SLC16A2: variants seen among roughly 807,000 people sequenced by gnomAD.
SLC16A2 encodes the protein monocarboxylate transporter 8.
SLC16A2 carries 3 observed loss-of-function variants against 27.2 expected under a neutral mutation model. The observed-to-expected ratio is 0.11, with a 90% confidence interval of 0.05 to 0.28. SLC16A2 has a LOEUF of 0.28. SLC16A2 is among the 10% of genes least tolerant of loss of function. The pLI is 1.00. For synonymous variants in SLC16A2, 202 were observed against 187.8 expected, an observed-to-expected ratio of 1.08 and a Z score of -0.62; for missense variants, 295 against 458.5, an observed-to-expected ratio of 0.64 and a Z score of 3.26.
At chrX:74,494,615 T>C (rs749798543) in intron 1 of SLC16A2, among the ~76,000 whole-genome samples, 4 of 111,383 alleles carry the variant, frequency 3.6e-5, no homozygotes, top group Non-Finnish European at 7.5e-5. Flanking sequence ...AATCTATGAG[T>C]TCCTCCTTAT....
chrX:74,445,109 G>C (rs1231250594), intron 1 of SLC16A2, among the ~76,000 whole-genome samples: 1 of 112,042 alleles, frequency 8.9e-6, no homozygotes, highest in East Asian at 2.8e-4. Flanking sequence ...TGCAGATAAG[G>C]AAATTGAGAC....
At chrX:74,480,911 A>C (rs763829639) in intron 1 of SLC16A2, among the ~76,000 whole-genome samples, 1 of 111,910 alleles carries the variant, frequency 8.9e-6, no homozygotes, top group South Asian at 3.7e-4. Flanking sequence ...TTTTATTCCT[A>C]GTTTGTTGAA....
intron 1 of SLC16A2, among the ~76,000 whole-genome samples, chrX:74,469,567 A>G (rs1178207121): frequency 9.0e-6 from 1 of 111,388 alleles, no homozygotes; most frequent in Non-Finnish European, 1.9e-5. Flanking sequence ...CAGTTCCTTG[A>G]CGACTAAAGA....
intron 1 of SLC16A2, among the ~76,000 whole-genome samples, chrX:74,430,325 G>C (rs1037590417): frequency 8.9e-6 from 1 of 111,923 alleles, no homozygotes; most frequent in Non-Finnish European, 1.9e-5. Context: ...CCTGCTTTTA[G>C]ACCTCACCTA....
At chrX:74,462,228 G>A (rs1238469689) in intron 1 of SLC16A2, among the ~76,000 whole-genome samples, 1 of 112,393 alleles carries the variant, frequency 8.9e-6, no homozygotes, top group Non-Finnish European at 1.9e-5. Flanking sequence ...TGGGGCTTGA[G>A]GTTCTCTTCA....
At chrX:74,449,335 A>G (rs1303467251) in intron 1 of SLC16A2, among the ~76,000 whole-genome samples, 1 of 112,081 alleles carries the variant, frequency 8.9e-6, no homozygotes, top group East Asian at 2.8e-4. Context: ...TTAAGAGCCA[A>G]GCTGGAGGGT....
chrX:74,461,322 C>G (rs1929136765), intron 1 of SLC16A2, among the ~76,000 whole-genome samples: 1 of 111,307 alleles, frequency 9.0e-6, no homozygotes, highest in Admixed American at 9.6e-5. Flanking sequence ...TTTCTGTTTC[C>G]TCAGTTCCAT....
chrX:74,438,921 C>T (rs1006874955), intron 1 of SLC16A2, among the ~76,000 whole-genome samples: 1 of 111,932 alleles, frequency 8.9e-6, no homozygotes, highest in Non-Finnish European at 1.9e-5. Context: ...AGCACTACGA[C>T]TCTAGCCTGC....
chrX:74,496,482 C>T (rs1164382855), intron 1 of SLC16A2, among the ~76,000 whole-genome samples: 3 of 112,002 alleles, frequency 2.7e-5, no homozygotes, highest in African/African-American at 9.7e-5. Flanking sequence ...CTCTCAGGAA[C>T]TTGCAGCCTA....
At chrX:74,526,222 T>A (rs933495095) in intron 4 of SLC16A2, among the ~76,000 whole-genome samples, 2 of 112,205 alleles carry the variant, frequency 1.8e-5, no homozygotes, top group Non-Finnish European at 3.8e-5. Flanking sequence ...TACAGGCCAC[T>A]GTTCAGGCTG....
chrX:74,448,108 C>G (rs188979411), intron 1 of SLC16A2, among the ~76,000 whole-genome samples: 1 of 111,476 alleles, frequency 9.0e-6, no homozygotes, highest in Non-Finnish European at 1.9e-5. Flanking sequence ...TCCATCCCAA[C>G]GGTTCCCAAC....
At chrX:74,487,212 A>G (rs769934753) in intron 1 of SLC16A2, among the ~76,000 whole-genome samples, 1 of 111,065 alleles carries the variant, frequency 9.0e-6, no homozygotes, top group Admixed American at 9.6e-5. Flanking sequence ...AAGGCTTCTC[A>G]AACAGTTCTA....
At chrX:74,428,936 G>A (rs1488748951) in intron 1 of SLC16A2, among the ~76,000 whole-genome samples, 4 of 111,466 alleles carry the variant, frequency 3.6e-5, no homozygotes, top group Non-Finnish European at 7.5e-5. Flanking sequence ...ATTTCATACT[G>A]GTTTTTGGTA....
intron 3 of SLC16A2, 141 bp from the exon 4 acceptor site, chrX:74,525,609 T>C (rs1299261705): frequency 3.0e-6 from 2 of 656,850 alleles, no homozygotes; most frequent in Non-Finnish European, 4.8e-6. Flanking sequence ...GAGCTTGTCA[T>C]GGAGGTAGGG....
At chrX:74,484,731 A>T (rs1929684560) in intron 1 of SLC16A2, among the ~76,000 whole-genome samples, 1 of 111,876 alleles carries the variant, frequency 8.9e-6, no homozygotes, top group Non-Finnish European at 1.9e-5. Context: ...CACAGGAAAC[A>T]TTAAAAGCCA....
chrX:74,447,036 GC>G (rs949457258), intron 1 of SLC16A2, among the ~76,000 whole-genome samples: 2 of 111,931 alleles, frequency 1.8e-5, no homozygotes, highest in African/African-American at 6.5e-5. Context: ...TCAGATTTTG[GC>G]CTAAGGCCTG....
At chrX:74,516,793 C>T (rs754085819) in intron 1 of SLC16A2, among the ~76,000 whole-genome samples, 15 of 111,255 alleles carry the variant, frequency 1.3e-4, no homozygotes, top group African/African-American at 3.9e-4. Context: ...CAAATGTAAA[C>T]GATCTAAATA....
intron 1 of SLC16A2, among the ~76,000 whole-genome samples, chrX:74,466,363 G>A (rs186681387): frequency 9.0e-6 from 1 of 110,934 alleles, no homozygotes; most frequent in East Asian, 2.8e-4. Flanking sequence ...CCATCCCTCA[G>A]TATATGTGGG....
At chrX:74,517,594 A>T (rs891817536) in intron 1 of SLC16A2, among the ~76,000 whole-genome samples, 2 of 112,089 alleles carry the variant, frequency 1.8e-5, no homozygotes, top group African/African-American at 6.5e-5. Flanking sequence ...CACCTTTAAA[A>T]ATAACATCAG....
Sources: allele counts gnomAD v4.1 joint callset (sites outside exome capture counted in the v4.1 genomes callset), GRCh38; gene constraint gnomAD v4.1.1; transcripts MANE v1.5; gene names NCBI Gene and HGNC (gene_info 2026-07-23, HGNC 2026-07-21).